Variants in AGBL4 observed in about 807,000 individuals in gnomAD.
AGBL4 encodes cytosolic carboxypeptidase 6.
Under a neutral mutation model 66.4 loss-of-function variants are expected in AGBL4, and 58 were observed. That is an observed-to-expected ratio of 0.87 (90% CI 0.71 to 1.09). The LOEUF (loss-of-function observed/expected upper bound fraction) is 1.09, where lower values mean the gene tolerates loss of function less well. AGBL4 is among the 50% of genes least tolerant of loss of function. The probability of loss-of-function intolerance (pLI) is 0.00; values close to 1 mark genes in which losing one functional copy is unlikely to be tolerated. For missense variants in AGBL4, 579 were observed against 631.0 expected, an observed-to-expected ratio of 0.92 and a Z score of 0.88; for synonymous variants, 234 against 222.9, an observed-to-expected ratio of 1.05 and a Z score of -0.44.
chr1:48,805,151 C>T (rs7538351), intron 6 of AGBL4, among the ~76,000 whole-genome samples: 138,377 of 152,184 alleles, frequency 0.91, 64,281 homozygotes, highest in East Asian at 1. Flanking sequence ...AAAGTACTCA[C>T]GATTTAGTGG....
chr1:49,930,799 G>A (rs529476555), intron 1 of AGBL4, among the ~76,000 whole-genome samples: 15 of 152,142 alleles, frequency 9.9e-5, no homozygotes, highest in East Asian at 3.9e-4. Context: ...CAGTAATATC[G>A]TACTTAATGG....
chr1:49,573,567 A>G (rs184358285), intron 3 of AGBL4, among the ~76,000 whole-genome samples: 7 of 152,308 alleles, frequency 4.6e-5, no homozygotes, highest in Admixed American at 4.6e-4. Flanking sequence ...TAATGAAAGA[A>G]AATAATGAAC....
intron 2 of AGBL4, among the ~76,000 whole-genome samples, chr1:49,849,393 T>TTTATTA (rs61688417): frequency 0.064 from 8,342 of 129,950 alleles, 322 homozygotes; most frequent in African/African-American, 0.11. Flanking sequence ...ATTCATCTAA[T>TTTATTA]TTATTATTAT....
rs563900444 is a variant in AGBL4 at position 49,924,769 on chromosome 1, C to T, written c.35-73251G>A. ...AAAATAGAGAAACTGAGAATAATGC[C>T]CTCAAAATAGTAGGGGAGGAGGAGC... On this transcript the variant is annotated intron_variant, in intron 1 of 13. Coordinates refer to ENST00000371839, the MANE Select transcript of AGBL4 (RefSeq NM_032785.4). 7.2e-5 allele frequency among the ~76,000 whole-genome samples: 11 copies of T among 151,952 alleles called. No individual in the cohort carries two copies. In the South Asian group the frequency reaches 2.3e-3, roughly 32 times the overall value.
intron 2 of AGBL4, among the ~76,000 whole-genome samples, chr1:49,794,736 A>C (rs1006815817): frequency 6.6e-6 from 1 of 151,978 alleles, no homozygotes; most frequent in African/African-American, 2.4e-5. Flanking sequence ...AGCATAATGC[A>C]TGACTCATAA....
chr1:49,304,990 T>C (rs1194161871), intron 3 of AGBL4, among the ~76,000 whole-genome samples: 1 of 152,166 alleles, frequency 6.6e-6, no homozygotes. Context: ...ACGTACTTTA[T>C]AGATATTAGT....
intron 1 of AGBL4, among the ~76,000 whole-genome samples, chr1:49,864,154 G>C (rs1646643432): frequency 6.6e-6 from 1 of 152,092 alleles, no homozygotes; most frequent in Non-Finnish European, 1.5e-5. Context: ...AAAAAAGCCA[G>C]GTACAGAAAG....
rs571834747 is a variant in AGBL4, at chr1:49,650,617, A to G, written c.282+46696T>C. Among the ~76,000 whole-genome samples the G allele has an allele frequency of 1.2e-4, 18 of 152,234 alleles. No homozygotes were observed. The South Asian group carries it at 3.7e-3, about 32-fold the overall frequency. On this transcript the variant is annotated intron_variant, in intron 3 of 13. Coordinates refer to ENST00000371839, the MANE Select transcript of AGBL4 (RefSeq NM_032785.4). ...AGCCATTGTGTCACCATATCACCAG[A>G]TCCCCTGCAAATATACCACAGACTC... is the stretch of plus-strand genomic sequence containing the variant.
intron 8 of AGBL4, among the ~76,000 whole-genome samples, chr1:48,641,440 GATC>G (rs1645753750): frequency 6.6e-6 from 1 of 152,076 alleles, no homozygotes; most frequent in Non-Finnish European, 1.5e-5. Flanking sequence ...TCCCTTCTTA[GATC>G]ATCATGACGA....
chr1:49,857,555 C>A (rs192217169), intron 1 of AGBL4, among the ~76,000 whole-genome samples: 2 of 151,930 alleles, frequency 1.3e-5, no homozygotes, highest in South Asian at 2.1e-4. Context: ...GAATAAAAAA[C>A]CAAAAAGTAA....
intron 1 of AGBL4, 55 bp from the exon 2 acceptor site, chr1:49,851,573 T>C: frequency 1.3e-6 from 2 of 1,524,706 alleles, no homozygotes; most frequent in Non-Finnish European, 1.8e-6. Flanking sequence ...TGAAGTCTAG[T>C]CAGATTTTTA....
rs1014231650 is a variant in AGBL4 at position 50,008,399 on chromosome 1, A to C, written c.34+15364T>G. The stretch of plus-strand genomic sequence containing the variant: ...CTATAGAAACGTATGGAAATTAAAC[A>C]CTGCTCCTAAATGACCAGTGAGTCA... On this transcript the variant is annotated intron_variant, in intron 1 of 13. Coordinates refer to ENST00000371839, the MANE Select transcript of AGBL4 (RefSeq NM_032785.4). Among the ~76,000 whole-genome samples the C allele has an allele frequency of 8.5e-5, 13 of 152,312 alleles. 1 individual carries two copies. The East Asian group carries it at 2.5e-3, about 29-fold the overall frequency.
intron 5 of AGBL4, among the ~76,000 whole-genome samples, chr1:48,996,931 T>C (rs780547774): frequency 7.2e-5 from 11 of 152,070 alleles, no homozygotes; most frequent in Non-Finnish European, 1.5e-4. Flanking sequence ...AAAGTAATAA[T>C]TGTTTTTTCA....
chr1:49,963,642 T>C (rs1176264370), intron 1 of AGBL4, among the ~76,000 whole-genome samples: 4 of 152,122 alleles, frequency 2.6e-5, no homozygotes, highest in Non-Finnish European at 5.9e-5. Context: ...TTTCTGAAAA[T>C]AACACTGAAT....
At chr1:49,601,816 T>C (rs1021355959) in intron 3 of AGBL4, among the ~76,000 whole-genome samples, 24 of 151,882 alleles carry the variant, frequency 1.6e-4, no homozygotes, top group African/African-American at 5.1e-4. Flanking sequence ...TACTAAAACA[T>C]CAAAAGCAAT....
intron 2 of AGBL4, among the ~76,000 whole-genome samples, chr1:49,794,953 C>T (rs1479276036): frequency 6.6e-6 from 1 of 151,648 alleles, no homozygotes; most frequent in Non-Finnish European, 1.5e-5. Flanking sequence ...AGGCATAGCA[C>T]TAGATGTTGA....
chr1:49,706,464 G>T (rs934021781), intron 2 of AGBL4, among the ~76,000 whole-genome samples: 2 of 151,720 alleles, frequency 1.3e-5, no homozygotes, highest in African/African-American at 2.4e-5. Context: ...TCTGGCCAGC[G>T]GTCTATCTAT....
intron 3 of AGBL4, among the ~76,000 whole-genome samples, chr1:49,248,451 G>T (rs550547076): frequency 3.3e-5 from 5 of 152,272 alleles, no homozygotes; most frequent in Non-Finnish European, 5.9e-5. Flanking sequence ...CTTGTTTACA[G>T]ATGAGGGACT....
intron 3 of AGBL4, among the ~76,000 whole-genome samples, chr1:49,496,706 C>A (rs1009334046): frequency 1.4e-5 from 2 of 145,820 alleles, no homozygotes; most frequent in Admixed American, 7.1e-5. Context: ...ACAGGATTTC[C>A]TTTTTTAAGG....
Sources: gnomAD v4.1 joint callset for allele counts (sites outside exome capture counted in the v4.1 genomes callset) on GRCh38, gnomAD v4.1.1 for gene constraint, MANE v1.5 for transcripts, NCBI Gene and HGNC (gene_info 2026-07-23, HGNC 2026-07-21) for gene names.